Variants in ABL1 observed in about 807,000 individuals in gnomAD.
The protein encoded by ABL1 is tyrosine-protein kinase ABL1.
ABL1 carries 11 observed loss-of-function variants against 94.7 expected under a neutral mutation model. The ratio of observed to expected loss-of-function variants is 0.12; its 90% CI spans 0.07 to 0.19. ABL1 has a LOEUF of 0.19. ABL1 is among the 10% of genes least tolerant of loss of function. The pLI is 1.00. For missense variants in ABL1, 1,082 were observed against 1,489.4 expected (o/e 0.73, Z 4.50); for synonymous variants, 656 against 622.4 (o/e 1.05, Z -0.80).
intron 6 of ABL1, 71 bp downstream of exon 6, chr9:130,873,108 G>C (rs1016909312): frequency 6.6e-7 from 1 of 1,516,450 alleles, no homozygotes; most frequent in Non-Finnish European, 8.9e-7. Context: ...TTTACAAAAA[G>C]CCCCAGCCTA....
intron 4 of ABL1, among the ~76,000 whole-genome samples, chr9:130,866,154 T>C (rs1831152843): frequency 1.3e-5 from 2 of 152,100 alleles, no homozygotes; most frequent in African/African-American, 4.8e-5. Flanking sequence ...TATCAACATT[T>C]TAATGCTGAG....
intron 1 of ABL1, among the ~76,000 whole-genome samples, chr9:130,750,050 G>T (rs140804723): frequency 1.3e-5 from 2 of 151,234 alleles, no homozygotes; most frequent in Non-Finnish European, 2.9e-5. Context: ...GTGTGGTGGT[G>T]CACGCCTGTG....
At chr9:130,714,336 G>T in exon 1 of ABL1, 1 of 1,610,594 alleles carries the variant, frequency 6.2e-7, no homozygotes, top group Non-Finnish European at 8.5e-7. Flanking sequence ...CAGCAGCCTG[G>T]AAAAGTACTT....
intron 1 of ABL1, among the ~76,000 whole-genome samples, chr9:130,805,576 G>A (rs1346148706): frequency 6.6e-6 from 1 of 152,214 alleles, no homozygotes; most frequent in Non-Finnish European, 1.5e-5. Flanking sequence ...GAAAAAGTAG[G>A]AGGGGAAGGA....
Position 130,835,360 on chromosome 9 carries a change from G to T in ABL1, c.-87G>T. On this transcript the variant is annotated 5_prime_UTR_variant, in exon 1 of 11. Transcript: ENST00000318560. This position sits in a 1 kb window ranked among gnomAD's most constrained non-coding sequence, Gnocchi z 4.6. ...GCTGGCGGGGCCGGGGGCGCCGGGG[G>T]GGCGCGCGGGCCGAGCCGGGCCTGA... The T allele has an allele frequency of 8.2e-6, 6 of 734,400 alleles. No individual in the cohort carries two copies. The highest frequency in any genetic ancestry group is 1.0e-5 in the Non-Finnish European group (6 of 592,952). 45.5% of individuals were successfully genotyped at this position (734,400 alleles called of 1,614,324 possible). A position where few individuals can be genotyped will look rare whatever the true frequency, so the allele number is the denominator to read the frequency against.
intron 10 of ABL1, among the ~76,000 whole-genome samples, chr9:130,881,966 A>AT (rs1242484929): frequency 1.2e-4 from 18 of 152,170 alleles, no homozygotes; most frequent in African/African-American, 4.1e-4. Flanking sequence ...TAGAGTGCGT[A>AT]TGTTATGTAC....
At chr9:130,755,813 T>G (rs1832034847) in intron 1 of ABL1, among the ~76,000 whole-genome samples, 2 of 152,216 alleles carry the variant, frequency 1.3e-5, no homozygotes, top group African/African-American at 2.4e-5. Context: ...CTTCCTGGCC[T>G]CCAGAGATCA....
chr9:130,839,368 C>G (rs1588261186), intron 1 of ABL1, among the ~76,000 whole-genome samples: 1 of 152,332 alleles, frequency 6.6e-6, no homozygotes, highest in East Asian at 1.9e-4. Flanking sequence ...TGCTTGCTTT[C>G]TGCTCTCTCC....
intron 1 of ABL1, among the ~76,000 whole-genome samples, chr9:130,758,885 G>A (rs1253153323): frequency 6.6e-6 from 1 of 152,198 alleles, no homozygotes; most frequent in African/African-American, 2.4e-5. Context: ...CTTCTCAGAT[G>A]TGATGGTTTC....
rs537067547 is a variant in ABL1 at position 130,726,145 on chromosome 9, G to A, written c.136+11690G>A. 6.6e-5 allele frequency among the ~76,000 whole-genome samples: 10 copies of A among 151,978 alleles called. No homozygotes were observed. The East Asian group carries it at 7.7e-4, about 12-fold the overall frequency. ...AGATTACAGGATTGAGCTCCCTTGC[G>A]CGACCTGATATTTTAATATTTTTTT... On this transcript the variant is annotated intron_variant, in intron 1 of 10. Transcript: ENST00000372348.
intron 1 of ABL1, among the ~76,000 whole-genome samples, chr9:130,760,326 A>G (rs1253490262): frequency 6.6e-6 from 1 of 152,148 alleles, no homozygotes; most frequent in East Asian, 1.9e-4. Context: ...ACTGTTGGCC[A>G]TTAGGATTCC....
intron 1 of ABL1, among the ~76,000 whole-genome samples, chr9:130,838,416 AT>A (rs897198339): frequency 8.5e-5 from 13 of 152,050 alleles, no homozygotes; most frequent in East Asian, 5.8e-4. Flanking sequence ...AGTAGGATTA[AT>A]TTTTTTTAAA....
chr9:130,829,564 C>CAAA (rs1167581144), intron 1 of ABL1, among the ~76,000 whole-genome samples: 3 of 68,688 alleles, frequency 4.4e-5, no homozygotes, highest in African/African-American at 1.5e-4. Flanking sequence ...GACTACGTCT[C>CAAA]AAAAAAAAAA....
chr9:130,874,689 CAG>C (rs1184453822), intron 6 of ABL1, among the ~76,000 whole-genome samples, 177 bp from the exon 7 acceptor site: 1 of 152,204 alleles, frequency 6.6e-6, no homozygotes, highest in Non-Finnish European at 1.5e-5. Context: ...GTTGGGATCT[CAG>C]GGTGTGTTTG....
At chr9:130,789,525 TACACAC>T (rs59537102) in intron 1 of ABL1, among the ~76,000 whole-genome samples, 29,952 of 148,874 alleles carry the variant, frequency 0.2, 3,678 homozygotes, top group African/African-American at 0.36. Context: ...AAAAAGGACA[TACACAC>T]ACACACACAC....
At chr9:130,844,490 A>G (rs543501976) in intron 1 of ABL1, among the ~76,000 whole-genome samples, 2 of 116,110 alleles carry the variant, frequency 1.7e-5, no homozygotes, top group South Asian at 4.6e-4. Context: ...AAGGTGACAC[A>G]ATTTTTTTTT....
chr9:130,719,283 CT>C (rs901591939), intron 1 of ABL1, among the ~76,000 whole-genome samples: 1 of 152,150 alleles, frequency 6.6e-6, no homozygotes, highest in Non-Finnish European at 1.5e-5. Context: ...AATCCCAGCA[CT>C]TTGGGAGGTT....
rs1831407646 is a variant in ABL1, at chr9:130,714,271, C to T, written c.-49C>T. ...TTTCCCTCTACGCTCGCTGACCGTTCTGGAAGATCTTGAACCCTCTTCTGG... is the reference window on the plus strand; with the variant it reads ...TTTCCCTCTACGCTCGCTGACCGTTTTGGAAGATCTTGAACCCTCTTCTGG... On this transcript the variant is annotated 5_prime_UTR_variant, in exon 1 of 11. Transcript: ENST00000372348. 7 of 1,525,282 alleles carry T rather than the reference C, an allele frequency of 4.6e-6. No individual in the cohort carries two copies. The East Asian group carries it at 1.1e-4, about 25-fold the overall frequency. 94.5% of individuals were successfully genotyped at this position (1,525,282 alleles called of 1,614,324 possible).
chr9:130,838,085 G>A (rs890632626), intron 1 of ABL1, among the ~76,000 whole-genome samples: 2 of 152,204 alleles, frequency 1.3e-5, no homozygotes, highest in African/African-American at 4.8e-5. Flanking sequence ...ATTACTCTAT[G>A]TGATCTGATA....
Sources: gnomAD v4.1 joint callset for allele counts (sites outside exome capture counted in the v4.1 genomes callset) on GRCh38, gnomAD v4.1.1 for gene constraint, Gnocchi (gnomAD v3.1) non-coding constraint, MANE v1.5 for transcripts, NCBI Gene and HGNC (gene_info 2026-07-23, HGNC 2026-07-21) for gene names.